The following RRBP1 variants were observed in gnomAD, a reference collection of about 807,000 sequenced individuals.
RRBP1 encodes ribosome binding protein 1.
A neutral mutation model predicts 165.2 loss-of-function variants in RRBP1; 94 were observed. That is an observed-to-expected ratio of 0.57 (90% CI 0.48 to 0.68). The LOEUF (loss-of-function observed/expected upper bound fraction) is 0.68, where lower values mean the gene tolerates loss of function less well. RRBP1 is among the 30% of genes least tolerant of loss of function. RRBP1 has a pLI of 0.00. For missense variants in RRBP1, 1,676 were observed against 1,763.0 expected (o/e 0.95, Z 0.88); for synonymous variants, 680 against 714.5 (o/e 0.95, Z 0.77).
Position 17,629,273 on chromosome 20 carries a change from G to A in RRBP1, c.2749+550C>T, listed in dbSNP as rs373921602. On this transcript the variant is annotated intron_variant, in intron 9 of 24. Coordinates refer to ENST00000377813, the MANE Select transcript of RRBP1 (RefSeq NM_001365613.2). The stretch of plus-strand genomic sequence containing the variant: ...AGCCAAGGGCCACGGGCCTCTCACT[G>A]GCACCTTCAGCTCCCTTTCTCCAGG... Among the ~76,000 whole-genome samples the A allele has an allele frequency of 3.9e-5, 6 of 152,336 alleles. No individual in the cohort carries two copies. In the East Asian group the frequency reaches 7.7e-4, roughly 20 times the overall value.
At chr20:17,642,030 T>C in intron 4 of RRBP1, 111 bp from the exon 5 acceptor site, 1 of 1,238,914 alleles carries the variant, frequency 8.1e-7, no homozygotes, top group South Asian at 1.4e-5. Flanking sequence ...AGCAGGGGCT[T>C]CGAGTCAAGG....
chr20:17,649,541 C>A (rs762410568), intron 3 of RRBP1, among the ~76,000 whole-genome samples: 6 of 120,864 alleles, frequency 5.0e-5, no homozygotes, highest in Non-Finnish European at 8.0e-5. Context: ...TGCTAAGCAG[C>A]GCTGGGTTTG....
Position 17,646,914 on chromosome 20 carries a change from C to G in RRBP1, c.1913-3787G>C, listed in dbSNP as rs113678982. ...TCATGAGACTCAGCGGCCAGCCCCC[C>G]ACATCAGCTGCTGGAGCACCCCTGC... On this transcript the variant is annotated intron_variant, in intron 3 of 24. Transcript: ENST00000377813. 7.2e-5 allele frequency among the ~76,000 whole-genome samples: 11 copies of G among 152,320 alleles called. No homozygotes were observed. In the South Asian group the frequency reaches 1.2e-3, roughly 17 times the overall value.
chr20:17,634,323 G>T (rs2036208435), intron 7 of RRBP1, among the ~76,000 whole-genome samples: 2 of 152,204 alleles, frequency 1.3e-5, no homozygotes, highest in Admixed American at 1.3e-4. Flanking sequence ...AGGCCAGGCG[G>T]AGCTGGGAAA....
Position 17,659,312 on chromosome 20 carries a change from C to A in RRBP1, c.1196G>T (p.Gly399Val). The A allele has an allele frequency of 1.3e-6, 2 of 1,536,502 alleles. No individual in the cohort carries two copies. Among genetic ancestry groups the A allele is most frequent in the Non-Finnish European group, 1.8e-6 (2 of 1,141,690 alleles). The stretch of plus-strand genomic sequence containing the variant: ...GTTCTGGGCACCCTCAGCCTTCTTG[C>A]CCTGGTTCTGGGCCCCTTCTACTTT... ...GKKVEGAQNQ[G>V]KKAEGAQNQG... Residue 399 changes from glycine (G) to valine (V), a missense_variant, in exon 3 of 25, where the codon GGC (glycine) becomes GTC (valine). By Grantham distance (109) the Gly-to-Val change is moderately radical. This residue lies in a region of RRBP1 where 78 missense variants were observed against 115.6 expected (regional missense o/e 0.67). Transcript: ENST00000377813.
At chr20:17,619,098 T>TTG (rs2035858493) in intron 19 of RRBP1, 1 of 185,622 alleles carries the variant, frequency 5.4e-6, no homozygotes, top group Admixed American at 5.4e-5. Flanking sequence ...TTTTTTTTTT[T>TTG]TTTTGGTAGA....
chr20:17,662,569 G>A (rs1291773417), intron 2 of RRBP1, among the ~76,000 whole-genome samples: 1 of 152,158 alleles, frequency 6.6e-6, no homozygotes, highest in Non-Finnish European at 1.5e-5. Flanking sequence ...TTCCAAATGG[G>A]TTCTGACCTC....
chr20:17,663,872 T>C (rs2036817155), intron 2 of RRBP1, among the ~76,000 whole-genome samples: 1 of 152,160 alleles, frequency 6.6e-6, no homozygotes, highest in African/African-American at 2.4e-5. Flanking sequence ...CCTTGTAGGG[T>C]CTGACCACAG....
intron 5 of RRBP1, among the ~76,000 whole-genome samples, chr20:17,640,711 C>G (rs890935656): frequency 3.3e-5 from 5 of 152,194 alleles, no homozygotes; most frequent in Admixed American, 3.3e-4. Context: ...TTCTACCACC[C>G]CAGCAGGGTG....
At chr20:17,665,960 CCA>C (rs2036860362) in intron 2 of RRBP1, among the ~76,000 whole-genome samples, 1 of 152,174 alleles carries the variant, frequency 6.6e-6, no homozygotes, top group Non-Finnish European at 1.5e-5. Flanking sequence ...TTTCCTTCCC[CCA>C]CAGACTCAGA....
At chr20:17,650,135 A>T (rs1478854908) in intron 3 of RRBP1, among the ~76,000 whole-genome samples, 1 of 152,048 alleles carries the variant, frequency 6.6e-6, no homozygotes, top group Non-Finnish European at 1.5e-5. Context: ...TGACTTAGAG[A>T]CACATAATGG....
At chr20:17,678,078 A>G (rs2037115110) in intron 2 of RRBP1, among the ~76,000 whole-genome samples, 1 of 152,216 alleles carries the variant, frequency 6.6e-6, no homozygotes, top group Non-Finnish European at 1.5e-5. Context: ...TGACAGGTGG[A>G]AGACACATGT....
intron 7 of RRBP1, 29 bp from the exon 8 acceptor site, chr20:17,633,642 G>A (rs377011153): frequency 2.2e-5 from 36 of 1,610,332 alleles, no homozygotes; most frequent in Middle Eastern, 1.7e-4. Flanking sequence ...CCCGACTAAT[G>A]GAAAGAAAAG....
intron 2 of RRBP1, among the ~76,000 whole-genome samples, chr20:17,665,721 A>T (rs2036856678): frequency 6.6e-6 from 1 of 152,210 alleles, no homozygotes; most frequent in African/African-American, 2.4e-5. Context: ...TATGAGTGAA[A>T]AATCTCCTTT....
Position 17,617,071 on chromosome 20 carries a change from C to T in RRBP1, c.3760-232G>A, listed in dbSNP as rs1273428728. Among the ~76,000 whole-genome samples, 6 of 152,212 alleles carry T rather than the reference C, an allele frequency of 3.9e-5. No individual in the cohort carries two copies. The South Asian group carries it at 1.2e-3, about 31-fold the overall frequency. ...GAGACCCAATGTGCTCTGCTCCAAG[C>T]CCAACCGGAGGGGAGCCCTCCCTGG... On this transcript the variant is annotated intron_variant, in intron 20 of 24. Coordinates refer to ENST00000377813, the MANE Select transcript of RRBP1 (RefSeq NM_001365613.2).
chr20:17,652,472 C>T (rs1444498663), intron 3 of RRBP1, among the ~76,000 whole-genome samples: 1 of 152,092 alleles, frequency 6.6e-6, no homozygotes, highest in Non-Finnish European at 1.5e-5. Context: ...CCCGTCCTGG[C>T]CTGCTCCACA....
chr20:17,660,110 G>T lies in RRBP1; in HGVS notation c.398C>A (p.Ala133Asp), dbSNP rs139985929. 3 of 1,613,980 alleles carry T rather than the reference G, an allele frequency of 1.9e-6. No homozygotes were observed. The highest frequency in any genetic ancestry group is 1.7e-6 in the Non-Finnish European group (2 of 1,180,026). Residue 133 changes from alanine (A) to aspartate (D), a missense_variant, in exon 3 of 25, where the codon GCC (alanine) becomes GAC (aspartate). By Grantham distance (126) the Ala-to-Asp change is moderately radical. Around this residue, in one of 5 missense-constraint regions of RRBP1, gnomAD observed 392 missense variants for 382.5 expected, o/e 1.02. Transcript: ENST00000377813. ...TVPAMPQEKL[A>D]SSPKDKKKKE... Reference sequence around the variant, plus strand: ...CTTCTTTTTGTCCTTGGGGGAGGAGGCCAGCTTCTCCTGGGGCATGGCTGG... The same window carrying T: ...CTTCTTTTTGTCCTTGGGGGAGGAGTCCAGCTTCTCCTGGGGCATGGCTGG...
chr20:17,618,377 G>A (rs1419145034), intron 20 of RRBP1, among the ~76,000 whole-genome samples: 1 of 152,172 alleles, frequency 6.6e-6, no homozygotes, highest in Non-Finnish European at 1.5e-5. Flanking sequence ...GAGATGGAGT[G>A]GGAGCACCCT....
chr20:17,623,868 G>A (rs1600729660), intron 13 of RRBP1, among the ~76,000 whole-genome samples: 1 of 151,946 alleles, frequency 6.6e-6, no homozygotes, highest in Non-Finnish European at 1.5e-5. Context: ...GGAGGCAGGG[G>A]TTGGAGTGAC....
Sources: allele counts gnomAD v4.1 joint callset (sites outside exome capture counted in the v4.1 genomes callset), GRCh38; gene constraint gnomAD v4.1.1; regional missense constraint gnomAD v4.1.1; transcripts MANE v1.5; gene names NCBI Gene and HGNC (gene_info 2026-07-23, HGNC 2026-07-21).